The following ARHGAP42 variants were observed in gnomAD, a reference collection of about 807,000 sequenced individuals.
ARHGAP42 encodes Rho GTPase activating protein 42, also known as rho GTPase-activating protein 42.
A neutral mutation model predicts 125.0 loss-of-function variants in ARHGAP42; 63 were observed. The observed-to-expected ratio is 0.50, with a 90% CI of 0.41 to 0.62. The LOEUF (loss-of-function observed/expected upper bound fraction) is 0.62. ARHGAP42 is among the 20% of genes least tolerant of loss of function. The pLI, the probability that ARHGAP42 is intolerant of heterozygous loss-of-function variation, is 0.00. For missense variants in ARHGAP42, 766 were observed against 1,024.2 expected (o/e 0.75, Z 3.44); for synonymous variants, 339 against 351.0 (o/e 0.97, Z 0.38).
intron 3 of ARHGAP42, among the ~76,000 whole-genome samples, chr11:100,798,078 T>G (rs997675050): frequency 3.9e-5 from 6 of 152,194 alleles, no homozygotes; most frequent in African/African-American, 1.2e-4. Context: ...TGCTGCAATC[T>G]CATGATGAGA....
rs1204191226 is a variant in ARHGAP42 at position 100,715,959 on chromosome 11, T to A, written c.154+28127T>A. 5.3e-5 allele frequency among the ~76,000 whole-genome samples: 8 copies of A among 152,202 alleles called. No homozygotes were observed. The East Asian group carries it at 1.5e-3, about 29-fold the overall frequency. On this transcript the variant is annotated intron_variant, in intron 1 of 23. Transcript: ENST00000298815. ...TCAGCGTGTCTTCGAGGGAGATATC[T>A]ACTGATGGGATTGGTGTAGGAAGAC... is the stretch of plus-strand genomic sequence containing the variant.
chr11:100,732,645 G>C lies in ARHGAP42; in HGVS notation c.155-37698G>C, dbSNP rs1257766915. Among the ~76,000 whole-genome samples the C allele has an allele frequency of 1.3e-5, 2 of 152,260 alleles. 1 individual carries two copies. The highest frequency in any genetic ancestry group is 3.9e-4 in the East Asian group (2 of 5,172). ...CCTGGACAAGATTGATAGGTCCTGT[G>C]CTCAGCCTAGGCAGCTAGACCCTCT... On this transcript the variant is annotated intron_variant, in intron 1 of 23. Transcript: ENST00000298815.
chr11:100,807,245 G>T (rs941569911), intron 3 of ARHGAP42, among the ~76,000 whole-genome samples: 1 of 151,652 alleles, frequency 6.6e-6, no homozygotes, highest in African/African-American at 2.4e-5. Flanking sequence ...GCCCAGGCTG[G>T]AGTGCAATGG....
At chr11:100,850,232 A>G (rs140954872) in intron 3 of ARHGAP42, among the ~76,000 whole-genome samples, 56 of 152,300 alleles carry the variant, frequency 3.7e-4, no homozygotes, top group African/African-American at 1.3e-3. Context: ...CTACTTTTGA[A>G]GATATAGAAA....
intron 3 of ARHGAP42, among the ~76,000 whole-genome samples, chr11:100,809,872 C>T (rs1373271864): frequency 2.6e-5 from 4 of 151,670 alleles, no homozygotes; most frequent in Non-Finnish European, 4.4e-5. Flanking sequence ...GCCCAGGAGG[C>T]GGAAGTTGCA....
At chr11:100,902,449 G>C (rs1866578908) in intron 4 of ARHGAP42, among the ~76,000 whole-genome samples, 1 of 152,146 alleles carries the variant, frequency 6.6e-6, no homozygotes, top group Non-Finnish European at 1.5e-5. Context: ...GAATAAGATT[G>C]TGAATGAGTC....
intron 3 of ARHGAP42, among the ~76,000 whole-genome samples, chr11:100,806,064 G>T (rs962219153): frequency 1.3e-5 from 2 of 152,168 alleles, no homozygotes; most frequent in Admixed American, 6.5e-5. Flanking sequence ...TGGACTTGCT[G>T]TGGTTCAAAT....
intron 1 of ARHGAP42, among the ~76,000 whole-genome samples, chr11:100,735,602 C>CT (rs58522622): frequency 0.75 from 55,230 of 73,460 alleles, 21,541 homozygotes; most frequent in Non-Finnish European, 0.79. Context: ...TTTACTTGTA[C>CT]TTTTTTTTTT....
At chr11:100,984,081 C>A (rs1278260026) in intron 22 of ARHGAP42, among the ~76,000 whole-genome samples, 5 of 150,350 alleles carry the variant, frequency 3.3e-5, no homozygotes, top group Non-Finnish European at 1.5e-5. Context: ...TGCACTATTG[C>A]ATTCCAGCCT....
chr11:100,796,060 T>A (rs1354760282), intron 3 of ARHGAP42, among the ~76,000 whole-genome samples: 1 of 152,198 alleles, frequency 6.6e-6, no homozygotes, highest in Non-Finnish European at 1.5e-5. Context: ...GTTTGTTTTG[T>A]TTTTGTTTTC....
intron 4 of ARHGAP42, among the ~76,000 whole-genome samples, chr11:100,905,929 A>T (rs998454151): frequency 7.9e-5 from 12 of 152,216 alleles, no homozygotes; most frequent in African/African-American, 2.9e-4. Flanking sequence ...GTGAGCCAAG[A>T]TGTTGCCATG....
At chr11:100,981,472 A>T (rs1041851572) in intron 22 of ARHGAP42, among the ~76,000 whole-genome samples, 1 of 152,156 alleles carries the variant, frequency 6.6e-6, no homozygotes, top group Admixed American at 6.5e-5. Flanking sequence ...GTTACCCTTG[A>T]ATTAGACCTT....
intron 1 of ARHGAP42, among the ~76,000 whole-genome samples, chr11:100,746,885 C>G (rs959814850): frequency 6.6e-6 from 1 of 152,038 alleles, no homozygotes; most frequent in Non-Finnish European, 1.5e-5. Context: ...TGGTAGGGAT[C>G]GATCCAGGAA....
intron 12 of ARHGAP42, among the ~76,000 whole-genome samples, chr11:100,959,381 A>G (rs770783760): frequency 2.6e-5 from 4 of 152,100 alleles, no homozygotes; most frequent in Non-Finnish European, 5.9e-5. Flanking sequence ...GGAGCGTAGA[A>G]TCAGACCCGA....
At chr11:100,781,432 A>G (rs1245839716) in intron 2 of ARHGAP42, among the ~76,000 whole-genome samples, 1 of 152,178 alleles carries the variant, frequency 6.6e-6, no homozygotes, top group Non-Finnish European at 1.5e-5. Context: ...TCAGACCCAG[A>G]GGTGAAATGA....
At chr11:100,796,510 G>A (rs746821530) in intron 3 of ARHGAP42, among the ~76,000 whole-genome samples, 9 of 152,190 alleles carry the variant, frequency 5.9e-5, no homozygotes, top group African/African-American at 1.7e-4. Flanking sequence ...TTTAAGTTTA[G>A]TGAAGAAGGC....
chr11:100,794,733 G>A (rs73575579), intron 2 of ARHGAP42, among the ~76,000 whole-genome samples: 1,826 of 152,156 alleles, frequency 0.012, 48 homozygotes, highest in African/African-American at 0.041. Flanking sequence ...AAAATGTTTG[G>A]TTATTTGTAG....
chr11:100,876,811 T>G (rs1452735577), intron 4 of ARHGAP42, among the ~76,000 whole-genome samples: 1 of 152,246 alleles, frequency 6.6e-6, no homozygotes, highest in Admixed American at 6.5e-5. Context: ...TAATACAGCT[T>G]CTTACTGTTC....
At chr11:100,716,783 G>T (rs1250370673) in intron 1 of ARHGAP42, among the ~76,000 whole-genome samples, 1 of 152,088 alleles carries the variant, frequency 6.6e-6, no homozygotes, top group East Asian at 1.9e-4. Flanking sequence ...TTTTAGGAAG[G>T]ATAGGAACCT....
Sources: gnomAD v4.1 joint callset for allele counts (sites outside exome capture counted in the v4.1 genomes callset) on GRCh38, gnomAD v4.1.1 for gene constraint, MANE v1.5 for transcripts, NCBI Gene and HGNC (gene_info 2026-07-23, HGNC 2026-07-21) for gene names.